RAB27A: variants seen among roughly 807,000 people sequenced by gnomAD.
The protein encoded by RAB27A is RAB27A, member RAS oncogene family, also known as ras-related protein Rab-27A.
A neutral mutation model predicts 20.8 loss-of-function variants in RAB27A; 17 were observed. The ratio of observed to expected loss-of-function variants is 0.82; its 90% CI spans 0.56 to 1.23. The LOEUF is 1.23. Among genes scored for constraint, RAB27A ranks in the 50% most tolerant of loss-of-function variants. The pLI is 0.00. For synonymous variants in RAB27A, 85 were observed against 92.8 expected (o/e 0.92, Z 0.48); for missense variants, 277 against 266.7 (o/e 1.04, Z -0.27).
At chr15:55,209,011 T>G (rs1894788542) in intron 6 of RAB27A, among the ~76,000 whole-genome samples, 1 of 152,178 alleles carries the variant, frequency 6.6e-6, no homozygotes, top group South Asian at 2.1e-4. Context: ...GTAAGAAAAT[T>G]TTATTTTTTA....
At chr15:55,286,398 A>G (rs75842644) in intron 1 of RAB27A, among the ~76,000 whole-genome samples, 4,713 of 152,258 alleles carry the variant, frequency 0.031, 83 homozygotes, top group Non-Finnish European at 0.041. Flanking sequence ...TGGTCTGTGT[A>G]TGACAGTTCT....
At chr15:55,247,809 G>T (rs746566434) in intron 2 of RAB27A, among the ~76,000 whole-genome samples, 9 of 151,984 alleles carry the variant, frequency 5.9e-5, no homozygotes, top group Non-Finnish European at 1.3e-4. Flanking sequence ...CATTGACTTT[G>T]TACAAAATGA....
chr15:55,309,453 G>A (rs1016329151), intron 2 of RAB27A, among the ~76,000 whole-genome samples: 5 of 152,230 alleles, frequency 3.3e-5, no homozygotes, highest in African/African-American at 1.2e-4. Flanking sequence ...GCAGCTAAAA[G>A]TAAATCATCC....
In RAB27A at chr15:55,230,415, T is replaced by C; in HGVS notation, c.225A>G (p.Thr75=). 2 of 1,612,360 alleles carry C rather than the reference T, an allele frequency of 1.2e-6. No homozygotes were observed. Among genetic ancestry groups the C allele is most frequent in the African/African-American group, 1.3e-5 (1 of 75,016 alleles). ...GQRIHLQLWD[T]AGQERFRSLT... is the part of the protein sequence containing the mutation. The stretch of plus-strand genomic sequence containing the variant: ...AGATCTCATACCTCTCCTGCCCTGC[T>C]GTGTCCCATAACTGCAGGTGGATTC... The change falls in exon 4 of 7, where the codon ACA becomes ACG. Residue 75 remains threonine (T), a synonymous_variant. Transcript: ENST00000336787.
chr15:55,206,346 T>G, intron 6 of RAB27A: 4 of 738,228 alleles, frequency 5.4e-6, no homozygotes, highest in Non-Finnish European at 6.6e-6. Flanking sequence ...TTTTTTCGTT[T>G]AAGTTTTTGG....
chr15:55,233,630 A>C (rs975100181), intron 3 of RAB27A, among the ~76,000 whole-genome samples: 24 of 152,176 alleles, frequency 1.6e-4, no homozygotes. Flanking sequence ...CCATTGATAG[A>C]AAATTCATGG....
At chr15:55,280,188 C>T (rs890391437) in intron 1 of RAB27A, among the ~76,000 whole-genome samples, 1 of 152,208 alleles carries the variant, frequency 6.6e-6, no homozygotes, top group Non-Finnish European at 1.5e-5. Flanking sequence ...CGAGGCTGTG[C>T]TGCCTCTGTC....
chr15:55,308,074 T>C lies in RAB27A; in HGVS notation c.-112+5965A>G, dbSNP rs372030714. 1.3e-4 allele frequency among the ~76,000 whole-genome samples: 20 copies of C among 152,292 alleles called. 1 individual carries two copies. Among genetic ancestry groups the C allele is most frequent in the Admixed American group, 7.2e-4 (11 of 15,294 alleles). On this transcript the variant is annotated intron_variant, in intron 2 of 5. Transcript: ENST00000563262. ...TTCTTCTGAGTACTGGGGCTTGGTT[T>C]CCCGGAGGGGATTACCCCATACTAC...
intron 4 of RAB27A, among the ~76,000 whole-genome samples, chr15:55,229,544 G>A (rs1895949823): frequency 6.6e-6 from 1 of 151,850 alleles, no homozygotes; most frequent in Non-Finnish European, 1.5e-5. Context: ...GTGTAGTGGT[G>A]CACATCTGTA....
intron 2 of RAB27A, among the ~76,000 whole-genome samples, chr15:55,302,803 G>A (rs1326445220): frequency 1.4e-5 from 2 of 138,926 alleles, no homozygotes; most frequent in African/African-American, 5.6e-5. Context: ...CTGCCCGGCC[G>A]CCCCGTCTGA....
intron 1 of RAB27A, among the ~76,000 whole-genome samples, chr15:55,276,662 A>C (rs1486736052): frequency 6.6e-6 from 1 of 152,252 alleles, no homozygotes; most frequent in Admixed American, 6.5e-5. Flanking sequence ...AGGAGGGGGA[A>C]ATGGGAAGGT....
Position 55,316,595 on chromosome 15 carries a change from AAG to A in RAB27A, c.-234+2334_-234+2335del, listed in dbSNP as rs931081876. 1.1e-4 allele frequency among the ~76,000 whole-genome samples: 16 copies of A among 152,008 alleles called. 1 individual carries two copies. The highest frequency in any genetic ancestry group is 7.2e-4 in the Admixed American group (11 of 15,230). On this transcript the variant is annotated intron_variant, in intron 1 of 5. Transcript: ENST00000563262. ...ATGTATCCCAGAACTTAAAAAAAAA[AAG>A]GAGAAAAAAAGAAAATACAAACTTA...
intron 2 of RAB27A, among the ~76,000 whole-genome samples, chr15:55,257,235 T>G (rs1897113349): frequency 6.6e-6 from 1 of 152,046 alleles, no homozygotes; most frequent in Non-Finnish European, 1.5e-5. Flanking sequence ...CGGGGCAGGT[T>G]CAGCATGAGA....
intron 2 of RAB27A, chr15:55,238,483 G>T (rs1367326135): frequency 2.0e-5 from 3 of 152,036 alleles, no homozygotes; most frequent in Non-Finnish European, 2.9e-5. Context: ...AGATTTCCAG[G>T]TTTCTGTTCT....
chr15:55,263,238 G>A (rs1176400006), intron 2 of RAB27A, among the ~76,000 whole-genome samples: 1 of 152,112 alleles, frequency 6.6e-6, no homozygotes, highest in Admixed American at 6.6e-5. Flanking sequence ...AAGGGAGGTA[G>A]TTCTCAGGGT....
chr15:55,244,237 C>A (rs1021993708), intron 2 of RAB27A, among the ~76,000 whole-genome samples: 1 of 152,118 alleles, frequency 6.6e-6, no homozygotes, highest in South Asian at 2.1e-4. Flanking sequence ...ATCACTTGAA[C>A]CTGGGAGGTG....
chr15:55,300,680 C>CA (rs35743897), intron 2 of RAB27A, among the ~76,000 whole-genome samples: 125 of 147,382 alleles, frequency 8.5e-4, no homozygotes, highest in African/African-American at 2.0e-3. Flanking sequence ...ACTCTGTCTC[C>CA]AAAAAAAAAA....
intron 2 of RAB27A, among the ~76,000 whole-genome samples, chr15:55,301,713 T>C (rs923446725): frequency 6.6e-6 from 1 of 151,038 alleles, no homozygotes; most frequent in Non-Finnish European, 1.5e-5. Flanking sequence ...GGCATGATCT[T>C]GGCTCACTGC....
chr15:55,232,012 A>C (rs1437497707), intron 3 of RAB27A, among the ~76,000 whole-genome samples: 1 of 152,224 alleles, frequency 6.6e-6, no homozygotes, highest in Non-Finnish European at 1.5e-5. Context: ...AGGGCTCTAC[A>C]AATGCCCAGG....
Sources: allele counts gnomAD v4.1 joint callset (sites outside exome capture counted in the v4.1 genomes callset), GRCh38; gene constraint gnomAD v4.1.1; transcripts MANE v1.5; gene names NCBI Gene and HGNC (gene_info 2026-07-23, HGNC 2026-07-21).